Variants in NOS1AP observed in about 807,000 individuals in gnomAD.
NOS1AP encodes the protein carboxyl-terminal PDZ ligand of neuronal nitric oxide synthase protein.
In NOS1AP, 21 loss-of-function variants were observed where a neutral mutation model predicts 56.2. The observed-to-expected ratio is 0.37, with a 90% CI of 0.26 to 0.54. NOS1AP has a LOEUF of 0.54. Ranked by LOEUF, NOS1AP falls within the 20% of genes least tolerant of loss-of-function variation. NOS1AP has a pLI of 0.84. For synonymous variants in NOS1AP, 270 were observed against 274.6 expected (o/e 0.98, Z 0.17); for missense variants, 522 against 657.8 (o/e 0.79, Z 2.26).
chr1:162,089,458 C>T (rs757590407), intron 1 of NOS1AP, among the ~76,000 whole-genome samples: 4 of 152,178 alleles, frequency 2.6e-5, no homozygotes, highest in Admixed American at 6.5e-5. Flanking sequence ...CTGTATCCTT[C>T]ACCATCTTTT....
intron 2 of NOS1AP, among the ~76,000 whole-genome samples, chr1:162,260,778 T>C (rs1054230040): frequency 1.0e-4 from 13 of 124,604 alleles, no homozygotes; most frequent in South Asian, 2.4e-4. Flanking sequence ...TCAAGGGAGA[T>C]GATTTTTTTT....
chr1:162,313,699 A>G (rs1656126275), intron 4 of NOS1AP, among the ~76,000 whole-genome samples: 1 of 152,208 alleles, frequency 6.6e-6, no homozygotes, highest in Non-Finnish European at 1.5e-5. Context: ...TGACAGCAGT[A>G]GAAATGCATA....
intron 4 of NOS1AP, among the ~76,000 whole-genome samples, chr1:162,301,944 T>C (rs571176408): frequency 6.4e-4 from 97 of 152,356 alleles, no homozygotes; most frequent in Non-Finnish European, 1.2e-3. Context: ...TGTGCAGGTG[T>C]GAAATACTCA....
intron 6 of NOS1AP, among the ~76,000 whole-genome samples, chr1:162,347,976 C>G (rs1054387508): frequency 6.6e-6 from 1 of 152,192 alleles, no homozygotes; most frequent in East Asian, 1.9e-4. Flanking sequence ...AAATTTAAAC[C>G]CTTTTTTTCT....
chr1:162,242,664 G>A (rs1653524018), intron 2 of NOS1AP, among the ~76,000 whole-genome samples: 1 of 152,194 alleles, frequency 6.6e-6, no homozygotes, highest in Non-Finnish European at 1.5e-5. Flanking sequence ...ACAAGAGTCT[G>A]AGTAAAAAAC....
At chr1:162,312,353 A>G (rs1401431114) in intron 4 of NOS1AP, among the ~76,000 whole-genome samples, 8 of 142,216 alleles carry the variant, frequency 5.6e-5, no homozygotes, top group East Asian at 2.1e-4. Flanking sequence ...GCATTTTTTC[A>G]TGTGTTTTTT....
chr1:162,258,980 C>T (rs1249306137), intron 2 of NOS1AP, among the ~76,000 whole-genome samples: 1 of 152,120 alleles, frequency 6.6e-6, no homozygotes, highest in Non-Finnish European at 1.5e-5. Flanking sequence ...CTTGAGAGCC[C>T]TTTCCCTCAT....
At chr1:162,348,856 C>T (rs1238461443) in intron 6 of NOS1AP, among the ~76,000 whole-genome samples, 11 of 152,216 alleles carry the variant, frequency 7.2e-5, no homozygotes, top group East Asian at 3.8e-4. Context: ...GCAGAATTCT[C>T]TCTTCCTCCA....
chr1:162,070,182 C>T lies in NOS1AP; in HGVS notation c.5C>T (p.Pro2Leu). 6.2e-7 allele frequency: 1 copy of T among 1,613,790 alleles called. No individual in the cohort carries two copies. Among genetic ancestry groups the T allele is most frequent in the Non-Finnish European group, 8.5e-7 (1 of 1,179,754 alleles). M[P>L]SKTKYNLVDD... ...GCGGGTCCGCCGCGGGTAACCATGC[C>T]TAGCAAAACCAAGTACAACCTTGTG... The change falls in exon 1 of 10, where the codon CCT becomes CTT. Residue 2 changes from proline to leucine, a missense_variant. Pro to Leu is a moderately conservative substitution (Grantham distance 98, BLOSUM62 -3). Around this residue, in one of 4 missense-constraint regions of NOS1AP, gnomAD observed 132 missense variants for 218.1 expected, o/e 0.61. Transcript: ENST00000361897.
intron 2 of NOS1AP, among the ~76,000 whole-genome samples, chr1:162,208,721 A>C (rs1029335375): frequency 6.6e-6 from 1 of 152,226 alleles, no homozygotes; most frequent in Non-Finnish European, 1.5e-5. Flanking sequence ...ATTGTGTTTT[A>C]GACACTGCCT....
intron 3 of NOS1AP, among the ~76,000 whole-genome samples, chr1:162,297,944 A>G (rs1655525026): frequency 6.6e-6 from 1 of 152,216 alleles, no homozygotes; most frequent in African/African-American, 2.4e-5. Context: ...TATATCCCAG[A>G]TGCAGAGCTG....
intron 4 of NOS1AP, among the ~76,000 whole-genome samples, chr1:162,302,047 G>A (rs1006979319): frequency 6.6e-6 from 1 of 152,224 alleles, no homozygotes; most frequent in African/African-American, 2.4e-5. Flanking sequence ...GTGGGAAATG[G>A]ACAAGTTACT....
intron 1 of NOS1AP, among the ~76,000 whole-genome samples, chr1:162,152,273 G>A (rs968478775): frequency 6.6e-6 from 1 of 152,226 alleles, no homozygotes; most frequent in Non-Finnish European, 1.5e-5. Context: ...CCCTGTGATG[G>A]GTGACCTTTC....
intron 8 of NOS1AP, among the ~76,000 whole-genome samples, chr1:162,359,329 T>C (rs535248342): frequency 3.2e-4 from 49 of 152,330 alleles, no homozygotes; most frequent in Admixed American, 9.1e-4. Context: ...AATCATCAGA[T>C]AGGACGTTGG....
intron 6 of NOS1AP, among the ~76,000 whole-genome samples, chr1:162,352,718 T>A (rs998684129): frequency 1.3e-5 from 2 of 152,078 alleles, no homozygotes; most frequent in Admixed American, 1.3e-4. Flanking sequence ...CATCGCTTCT[T>A]ATAAGGGCAT....
chr1:162,119,539 G>A (rs1208548941), intron 1 of NOS1AP, among the ~76,000 whole-genome samples: 3 of 152,120 alleles, frequency 2.0e-5, no homozygotes, highest in Non-Finnish European at 4.4e-5. Flanking sequence ...TAAAATATAA[G>A]CAAAGGACTC....
intron 1 of NOS1AP, among the ~76,000 whole-genome samples, chr1:162,144,016 C>T (rs180947749): frequency 3.3e-4 from 50 of 152,350 alleles, no homozygotes; most frequent in Middle Eastern, 3.4e-3. Context: ...TTCCCTCCTT[C>T]GGTGTCATGG....
intron 2 of NOS1AP, among the ~76,000 whole-genome samples, chr1:162,265,918 T>C (rs1344814868): frequency 6.6e-6 from 1 of 152,234 alleles, no homozygotes; most frequent in Non-Finnish European, 1.5e-5. Flanking sequence ...TGACTCCTTA[T>C]GTAGTGCTGC....
Position 162,367,251 on chromosome 1 carries a change from G to T in NOS1AP, c.1305G>T (p.Pro435=), listed in dbSNP as rs951634465. The change falls in exon 10 of 10, where the codon CCG becomes CCT. Residue 435 remains proline (P), a synonymous_variant. Coordinates refer to ENST00000361897, the MANE Select transcript of NOS1AP (RefSeq NM_014697.3). The surrounding 1 kb of genome is among the most constrained non-coding windows in gnomAD (Gnocchi z 6.5). ...AGCTGGAGTGCTTTCGCTTTCTTCC[G>T]CCCGAGGACACCCCGCCCCCAGCGC... is the stretch of plus-strand genomic sequence containing the variant. ...LVKLECFRFL[P]PEDTPPPAQG... 6.2e-7 allele frequency: 1 copy of T among 1,613,656 alleles called. No individual in the cohort carries two copies. Among genetic ancestry groups the T allele is most frequent in the South Asian group, 1.1e-5 (1 of 91,086 alleles).
Sources: allele counts gnomAD v4.1 joint callset (sites outside exome capture counted in the v4.1 genomes callset), GRCh38; gene constraint gnomAD v4.1.1; regional missense constraint gnomAD v4.1.1; non-coding constraint Gnocchi (gnomAD v3.1); transcripts MANE v1.5; gene names NCBI Gene and HGNC (gene_info 2026-07-23, HGNC 2026-07-21).